Variants in CLVS1 observed in about 807,000 individuals in gnomAD.
The protein encoded by CLVS1 is clavesin 1.
In CLVS1, 10 loss-of-function variants were observed where a neutral mutation model predicts 33.1. The observed-to-expected ratio is 0.30, with a 90% CI of 0.19 to 0.51. The LOEUF is 0.51. CLVS1 is among the 20% of genes least tolerant of loss of function. CLVS1 has a pLI of 0.97. For synonymous variants in CLVS1, 163 were observed against 166.1 expected (o/e 0.98, Z 0.14); for missense variants, 343 against 433.4 (o/e 0.79, Z 1.85).
At chr8:61,193,220 G>C (rs1449494357) in intron 2 of CLVS1, among the ~76,000 whole-genome samples, 1 of 152,150 alleles carries the variant, frequency 6.6e-6, no homozygotes, top group Non-Finnish European at 1.5e-5. Flanking sequence ...GTCCTTTGTA[G>C]GGACATGGTT....
chr8:61,103,264 A>G (rs1296859922), intron 1 of CLVS1, among the ~76,000 whole-genome samples: 1 of 152,158 alleles, frequency 6.6e-6, no homozygotes, highest in Non-Finnish European at 1.5e-5. Flanking sequence ...GAGGGATAGC[A>G]GTGAAAAGGC....
chr8:61,431,823 C>T (rs1816126086), intron 3 of CLVS1, among the ~76,000 whole-genome samples: 1 of 152,202 alleles, frequency 6.6e-6, no homozygotes, highest in African/African-American at 2.4e-5. Flanking sequence ...TTCAAACTAT[C>T]CGTGCCAGAA....
At chr8:60,986,449 C>T in the CLVS1 span, among the ~76,000 whole-genome samples, 4 of 152,228 alleles carry the variant, frequency 2.6e-5, no homozygotes, top group African/African-American at 4.8e-5. Flanking sequence ...TTCTCCCACT[C>T]TCTATATTCC....
chr8:61,085,947 A>C lies in CLVS1; in HGVS notation c.-243+28717A>C, dbSNP rs573538526. Among the ~76,000 whole-genome samples, 24 of 145,518 alleles carry C rather than the reference A, an allele frequency of 1.6e-4. No individual in the cohort carries two copies. The South Asian group carries it at 3.4e-3, about 21-fold the overall frequency. On this transcript the variant is annotated intron_variant, in intron 1 of 2. Coordinates refer to the CLVS1 transcript ENST00000522621. ...GCTGCTCGGGAGGCTGATGCAGCAG[A>C]ATGGCGTGAACCGTGGAGGCGGAGC...
At chr8:61,465,089 T>C (rs1817500046) in intron 5 of CLVS1, 1 of 152,376 alleles carries the variant, frequency 6.6e-6, no homozygotes, top group South Asian at 2.1e-4. Flanking sequence ...GGCACCTTTC[T>C]GGGCAGCGTG....
chr8:61,072,554 A>G (rs1804818139), intron 1 of CLVS1, among the ~76,000 whole-genome samples: 1 of 152,266 alleles, frequency 6.6e-6, no homozygotes, highest in East Asian at 1.9e-4. Context: ...AAGCAACGAA[A>G]GATGCATTCT....
chr8:61,223,974 T>C (rs1808276333), intron 2 of CLVS1, among the ~76,000 whole-genome samples: 1 of 148,992 alleles, frequency 6.7e-6, no homozygotes, highest in Non-Finnish European at 1.5e-5. Context: ...TTAATACTTA[T>C]GTATGCTTCA....
At chr8:61,134,207 A>T (rs1806150163) in intron 2 of CLVS1, among the ~76,000 whole-genome samples, 1 of 152,032 alleles carries the variant, frequency 6.6e-6, no homozygotes, top group Non-Finnish European at 1.5e-5. Context: ...AGTGTTGATC[A>T]CTCCACTCTG....
chr8:61,499,726 T>TGAG lies in CLVS1; in HGVS notation c.*185_*187dup. On this transcript the variant is annotated 3_prime_UTR_variant, in exon 6 of 6. Coordinates refer to ENST00000325897, the MANE Select transcript of CLVS1 (RefSeq NM_173519.3). ...GAGCAGCCAAAGTTGGACAAAGACTTGAGAGATGCTTTTTTTTTCCCCCAG... is the reference window on the plus strand; with the variant it reads ...GAGCAGCCAAAGTTGGACAAAGACTTGAGGAGAGATGCTTTTTTTTTCCCCCAG... The TGAG allele has an allele frequency of 2.3e-6, 1 of 430,054 alleles. No homozygotes were observed. Among genetic ancestry groups the TGAG allele is most frequent in the Non-Finnish European group, 4.2e-6 (1 of 238,194 alleles). The allele number at this position is 430,054 out of a possible 1,614,324, so 26.6% of individuals were successfully genotyped here. A position where few individuals can be genotyped will look rare whatever the true frequency, so the allele number is the denominator to read the frequency against.
chr8:61,185,149 G>GT lies in CLVS1; in HGVS notation c.-152+53294dup, dbSNP rs766726344. 4.8e-3 allele frequency among the ~76,000 whole-genome samples: 681 copies of GT among 142,160 alleles called. 4 individuals carry two copies. The highest frequency in any genetic ancestry group is 0.013 in the African/African-American group (488 of 37,854). The allele number at this position is 142,160 out of a possible 152,430, so 93.3% of individuals were successfully genotyped here. On this transcript the variant is annotated intron_variant, in intron 2 of 2. Transcript: ENST00000522621. ...AATGCCATTAGAGAGTATAGTTTTTGTTTTTGTTTTTTGTGACAAGATCTT... is the reference window on the plus strand; with the variant it reads ...AATGCCATTAGAGAGTATAGTTTTTGTTTTTTGTTTTTTGTGACAAGATCTT...
At chr8:61,386,172 T>G (rs1359729892) in intron 3 of CLVS1, among the ~76,000 whole-genome samples, 1 of 152,190 alleles carries the variant, frequency 6.6e-6, no homozygotes, top group Non-Finnish European at 1.5e-5. Context: ...CCAGAATCAC[T>G]GGAGAACTTG....
At chr8:61,093,672 C>G (rs574860688) in intron 1 of CLVS1, among the ~76,000 whole-genome samples, 3 of 152,322 alleles carry the variant, frequency 2.0e-5, no homozygotes. Flanking sequence ...TAGTGAGGCA[C>G]TAAGCTGATC....
At chr8:61,041,309 G>A in the CLVS1 span, among the ~76,000 whole-genome samples, 7 of 151,944 alleles carry the variant, frequency 4.6e-5, no homozygotes, top group African/African-American at 1.7e-4. Context: ...GGTTATTCAG[G>A]CTTTTTTTTT....
intron 3 of CLVS1, among the ~76,000 whole-genome samples, chr8:61,451,812 C>CACACACAGAGAGAGAG (rs375319471): frequency 7.0e-6 from 1 of 142,850 alleles, no homozygotes; most frequent in African/African-American, 2.6e-5. Context: ...CACACACACA[C>CACACACAGAGAGAGAG]AGAGAGAGAG....
chr8:61,332,006 A>C (rs1383481457), intron 2 of CLVS1, among the ~76,000 whole-genome samples: 1 of 152,076 alleles, frequency 6.6e-6, no homozygotes, highest in African/African-American at 2.4e-5. Flanking sequence ...GGTTCTGCCA[A>C]CTCTTGAGGT....
chr8:61,358,546 G>A (rs1266158365), intron 2 of CLVS1, among the ~76,000 whole-genome samples: 1 of 152,084 alleles, frequency 6.6e-6, no homozygotes, highest in East Asian at 1.9e-4. Flanking sequence ...CTTTTCCAAG[G>A]TACAGTGGTG....
At chr8:61,474,788 G>C (rs967950618) in intron 5 of CLVS1, among the ~76,000 whole-genome samples, 6 of 151,868 alleles carry the variant, frequency 4.0e-5, no homozygotes, top group Admixed American at 2.0e-4. Flanking sequence ...CAGTGAAGCA[G>C]GGCAAGTCTT....
chr8:61,356,166 G>A (rs992190061), intron 2 of CLVS1, among the ~76,000 whole-genome samples: 40 of 152,064 alleles, frequency 2.6e-4, no homozygotes, highest in African/African-American at 9.2e-4. Context: ...GATGGCCAGT[G>A]ATGATGAGCA....
intron 3 of CLVS1, among the ~76,000 whole-genome samples, chr8:61,430,730 T>C (rs1816080984): frequency 6.6e-6 from 1 of 152,182 alleles, no homozygotes; most frequent in South Asian, 2.1e-4. Context: ...CAATGTGTTA[T>C]GCTGTGCCCT....
Sources: allele counts gnomAD v4.1 joint callset (sites outside exome capture counted in the v4.1 genomes callset), GRCh38; gene constraint gnomAD v4.1.1; transcripts MANE v1.5; gene names NCBI Gene and HGNC (gene_info 2026-07-23, HGNC 2026-07-21).